FNTB: variants seen among roughly 807,000 people sequenced by gnomAD.
The protein encoded by FNTB is protein farnesyltransferase subunit beta.
A neutral mutation model predicts 59.4 loss-of-function variants in FNTB; 27 were observed. That is an observed-to-expected ratio of 0.45 (90% CI 0.34 to 0.63). FNTB has a LOEUF of 0.63. FNTB is among the 20% of genes least tolerant of loss of function. The probability of loss-of-function intolerance (pLI) is 0.02; values close to 1 mark genes in which losing one functional copy is unlikely to be tolerated. For missense variants in FNTB, 449 were observed against 559.6 expected, an observed-to-expected ratio of 0.80 and a Z score of 1.99; for synonymous variants, 230 against 220.7, an observed-to-expected ratio of 1.04 and a Z score of -0.37.
chr14:65,017,518 TTTA>T (rs989095760), intron 4 of FNTB, among the ~76,000 whole-genome samples: 4 of 152,106 alleles, frequency 2.6e-5, no homozygotes, highest in African/African-American at 9.7e-5. Flanking sequence ...TACTTGGTGT[TTTA>T]TAGTGAAGGC....
At chr14:65,004,381 C>T (rs1439084476) in intron 2 of FNTB, 68 bp downstream of exon 2, 2 of 1,527,006 alleles carry the variant, frequency 1.3e-6, no homozygotes, top group Non-Finnish European at 1.8e-6. Context: ...TTCTTCTTTC[C>T]TCCTTGAGCG....
rs1250889146 is a variant in FNTB at position 64,990,717 on chromosome 14, C to G, written c.144+3620C>G. ...GTTTTGAGCAGGGGAGTGACACAGTCTGACTAGCATTTTAACAGGCTCATT... is the reference window on the plus strand; with the variant it reads ...GTTTTGAGCAGGGGAGTGACACAGTGTGACTAGCATTTTAACAGGCTCATT... On this transcript the variant is annotated intron_variant, in intron 1 of 11. Coordinates refer to ENST00000246166, the MANE Select transcript of FNTB (RefSeq NM_002028.4). This position sits in a 1 kb window ranked among gnomAD's most constrained non-coding sequence, Gnocchi z 5.2. Among the ~76,000 whole-genome samples, 1 of 152,314 alleles carries G rather than the reference C, an allele frequency of 6.6e-6. No homozygotes were observed. The highest frequency in any genetic ancestry group is 2.1e-4 in the South Asian group (1 of 4,828).
At chr14:65,004,087 C>T (rs1261185742) in intron 1 of FNTB, among the ~76,000 whole-genome samples, 162 bp from the exon 2 acceptor site, 2 of 152,170 alleles carry the variant, frequency 1.3e-5, no homozygotes, top group Non-Finnish European at 2.9e-5. Context: ...CTCGCCTTGT[C>T]CTAAGCCTGT....
In FNTB at chr14:65,053,322, C is replaced by CGG; in HGVS notation, c.1046_1047dup (p.Leu350GlyfsTer19). 2 of 1,437,342 alleles carry CGG rather than the reference C, an allele frequency of 1.4e-6. No homozygotes were observed. The highest frequency in any genetic ancestry group is 9.2e-7 in the Non-Finnish European group (1 of 1,088,282). The allele number at this position is 1,437,342 out of a possible 1,614,324, so 89.0% of individuals were successfully genotyped here. On this transcript the variant is annotated frameshift_variant, in exon 10 of 12. Coordinates refer to ENST00000246166, the MANE Select transcript of FNTB (RefSeq NM_002028.4). LOFTEE classifies it high-confidence loss of function. ...ATCCTGATGTGCTGCCAGTGCCCTG[C>CGG]GGGGGGGCTTCTGGATAAACCTGGC...
rs925695783 is a variant in FNTB at position 65,031,424 on chromosome 14, T to C, written c.606-1186T>C. Among the ~76,000 whole-genome samples the C allele has an allele frequency of 1.3e-5, 2 of 151,596 alleles. No homozygotes were observed. Among genetic ancestry groups the C allele is most frequent in the Non-Finnish European group, 2.9e-5 (2 of 67,868 alleles). On this transcript the variant is annotated intron_variant, in intron 6 of 11. Coordinates refer to ENST00000246166, the MANE Select transcript of FNTB (RefSeq NM_002028.4). The surrounding 1 kb of genome is among the most constrained non-coding windows in gnomAD (Gnocchi z 4.6). ...CCCCCGCCTCCCGGGTTCAAGTGGT[T>C]CTCCTGCCTCAGCCTCCCAAGTAGT...
chr14:65,031,408 C>T lies in FNTB; in HGVS notation c.606-1202C>T, dbSNP rs934643272. ...TCTTGGCTCACTGCAACCCCCGCCT[C>T]CCGGGTTCAAGTGGTTCTCCTGCCT... On this transcript the variant is annotated intron_variant, in intron 6 of 11. Coordinates refer to ENST00000246166, the MANE Select transcript of FNTB (RefSeq NM_002028.4). This position sits in a 1 kb window ranked among gnomAD's most constrained non-coding sequence, Gnocchi z 4.6. Among the ~76,000 whole-genome samples the T allele has an allele frequency of 1.3e-5, 2 of 151,824 alleles. No homozygotes were observed. Among genetic ancestry groups the T allele is most frequent in the Non-Finnish European group, 2.9e-5 (2 of 67,920 alleles).
chr14:65,043,768 G>T (rs1164868625), intron 8 of FNTB, among the ~76,000 whole-genome samples: 1 of 140,990 alleles, frequency 7.1e-6, no homozygotes, highest in East Asian at 2.2e-4. Context: ...CTTGCAGTGA[G>T]CCGAGATTGC....
intron 7 of FNTB, among the ~76,000 whole-genome samples, chr14:65,038,633 A>G (rs1328439904): frequency 2.0e-5 from 3 of 147,348 alleles, no homozygotes; most frequent in Admixed American, 1.3e-4. Context: ...CAGGAGAATC[A>G]CTTGAACCCA....
rs550531213 is a variant in FNTB at position 65,007,803 on chromosome 14, T to G, written c.209+3490T>G. Among the ~76,000 whole-genome samples, 1 of 152,236 alleles carries G rather than the reference T, an allele frequency of 6.6e-6. No individual in the cohort carries two copies. The highest frequency in any genetic ancestry group is 1.5e-5 in the Non-Finnish European group (1 of 68,036). On this transcript the variant is annotated intron_variant, in intron 2 of 11. Coordinates refer to ENST00000246166, the MANE Select transcript of FNTB (RefSeq NM_002028.4). The surrounding 1 kb of genome is among the most constrained non-coding windows in gnomAD (Gnocchi z 4.9). ...AATAAGAAACCTGAAATGCATAAAC[T>G]ACACAGATACCTCGCTCACATGTAG...
At chr14:65,010,610 C>T (rs1177676285) in intron 2 of FNTB, among the ~76,000 whole-genome samples, 2 of 152,232 alleles carry the variant, frequency 1.3e-5, no homozygotes, top group Non-Finnish European at 2.9e-5. Flanking sequence ...AGTTTGTAAA[C>T]ACATACTGAC....
At chr14:65,021,878 T>C in intron 4 of FNTB, 1 of 454,470 alleles carries the variant, frequency 2.2e-6, no homozygotes, top group Non-Finnish European at 4.4e-6. Flanking sequence ...ACTCCTGGCC[T>C]TAAGTGATCC....
intron 1 of FNTB, among the ~76,000 whole-genome samples, chr14:64,989,539 AAAAC>A (rs200095512): frequency 0.073 from 11,146 of 152,082 alleles, 524 homozygotes; most frequent in Admixed American, 0.14. Flanking sequence ...ATTAAAAAAA[AAAAC>A]AAACAAAAAA....
At chr14:65,024,009 G>A (rs113643289) in intron 4 of FNTB, among the ~76,000 whole-genome samples, 5,947 of 152,046 alleles carry the variant, frequency 0.039, 174 homozygotes, top group Middle Eastern at 0.075. Context: ...GGCTGAGGGA[G>A]GAGAATCACT....
chr14:65,000,498 A>C (rs908025477), intron 1 of FNTB, among the ~76,000 whole-genome samples: 2 of 152,162 alleles, frequency 1.3e-5, no homozygotes, highest in African/African-American at 4.8e-5. Flanking sequence ...AATTAGCAGC[A>C]GTTACAAGTA....
In FNTB at chr14:65,032,063, G is replaced by C. The variant is rs1454197184; in HGVS notation, c.606-547G>C. 6.6e-6 allele frequency among the ~76,000 whole-genome samples: 1 copy of C among 150,970 alleles called. No individual in the cohort carries two copies. The highest frequency in any genetic ancestry group is 1.5e-5 in the Non-Finnish European group (1 of 67,862). ...ATCAAGGCTCTTTTCTCCCTCTAGA[G>C]GTTTAAGGACTGTATTGGAGTGGAC... On this transcript the variant is annotated intron_variant, in intron 6 of 11. Transcript: ENST00000246166. The surrounding 1 kb of genome is among the most constrained non-coding windows in gnomAD (Gnocchi z 5.0).
intron 11 of FNTB, among the ~76,000 whole-genome samples, chr14:65,060,023 G>A (rs960909846): frequency 1.3e-5 from 2 of 151,030 alleles, no homozygotes; most frequent in Non-Finnish European, 3.0e-5. Flanking sequence ...TGTAGAGACG[G>A]GGTTTCACCA....
At chr14:65,061,148 G>T in intron 11 of FNTB, 33 bp from the exon 12 acceptor site, 1 of 1,612,720 alleles carries the variant, frequency 6.2e-7, no homozygotes, top group South Asian at 1.1e-5. Flanking sequence ...GACCACCGGG[G>T]TGATTAACTG....
Position 65,053,323 on chromosome 14 carries a change from G to T in FNTB, c.1041G>T (p.Ala347=), listed in dbSNP as rs149471226. Reference sequence around the variant, plus strand: ...TCCTGATGTGCTGCCAGTGCCCTGCGGGGGGGCTTCTGGATAAACCTGGCA... The same window carrying T: ...TCCTGATGTGCTGCCAGTGCCCTGCTGGGGGGCTTCTGGATAAACCTGGCA... ...EYILMCCQCP[A]GGLLDKPGKS... is the part of the protein sequence containing the mutation. Residue 347 remains alanine, a synonymous_variant, in exon 10 of 12, where the codon GCG becomes GCT. Transcript: ENST00000246166. 4.1e-4 allele frequency: 588 copies of T among 1,439,934 alleles called. 9 individuals carry two copies. The South Asian group carries it at 8.4e-3, about 20-fold the overall frequency. 89.2% of individuals were successfully genotyped at this position (1,439,934 alleles called of 1,614,324 possible).
At chr14:65,033,967 A>AT (rs1164140893) in intron 7 of FNTB, among the ~76,000 whole-genome samples, 1 of 152,254 alleles carries the variant, frequency 6.6e-6, no homozygotes, top group Non-Finnish European at 1.5e-5. Context: ...AGTAGTATGT[A>AT]TTACCATATA....
Sources: allele counts gnomAD v4.1 joint callset (sites outside exome capture counted in the v4.1 genomes callset), GRCh38; gene constraint gnomAD v4.1.1; non-coding constraint Gnocchi (gnomAD v3.1); transcripts MANE v1.5; gene names NCBI Gene and HGNC (gene_info 2026-07-23, HGNC 2026-07-21).